The following CBFA2T3 variants were observed in gnomAD, a reference collection of about 807,000 sequenced individuals.
CBFA2T3 encodes the protein transcriptional corepressor CBFA2T3.
In CBFA2T3, 31 loss-of-function variants were observed where a neutral mutation model predicts 58.6. The ratio of observed to expected loss-of-function variants is 0.53; its 90% CI spans 0.40 to 0.71. CBFA2T3 has a LOEUF of 0.71. Among genes scored for constraint, CBFA2T3 ranks in the 30% least tolerant of loss-of-function variants. The probability of loss-of-function intolerance (pLI) is 0.00; values close to 1 mark genes in which losing one functional copy is unlikely to be tolerated. For missense variants in CBFA2T3, 1,076 were observed against 963.1 expected (o/e 1.12, Z -1.55); for synonymous variants, 531 against 421.9 (o/e 1.26, Z -3.17).
chr16:88,877,895 T>C (rs1342206870), intron 11 of CBFA2T3, among the ~76,000 whole-genome samples: 1 of 152,210 alleles, frequency 6.6e-6, no homozygotes, highest in Non-Finnish European at 1.5e-5. Flanking sequence ...TCACAGACGG[T>C]TGGGCTGTGG....
In CBFA2T3 at chr16:88,976,964, C is replaced by A; in HGVS notation, c.-157G>T. On this transcript the variant is annotated 5_prime_UTR_variant, in exon 1 of 12. Coordinates refer to ENST00000268679, the MANE Select transcript of CBFA2T3 (RefSeq NM_005187.6). ...TCTGTCCCTGGAAAGCCGAGGCCCT[C>A]CCGGCCACCAACTGGGTGTCCTCTG... The A allele has an allele frequency of 1.2e-6, 1 of 850,770 alleles. No homozygotes were observed. Among genetic ancestry groups the A allele is most frequent in the Non-Finnish European group, 1.8e-6 (1 of 568,564 alleles). 52.7% of individuals were successfully genotyped at this position (850,770 alleles called of 1,614,324 possible). A position where few individuals can be genotyped will look rare whatever the true frequency, so the allele number is the denominator to read the frequency against.
chr16:88,895,419 T>C (rs1343266136), intron 3 of CBFA2T3, among the ~76,000 whole-genome samples: 1 of 152,202 alleles, frequency 6.6e-6, no homozygotes, highest in East Asian at 1.9e-4. Context: ...GCTCTACACC[T>C]GCACACAGGC....
At chr16:88,900,002 A>G (rs1970038323) in intron 2 of CBFA2T3, among the ~76,000 whole-genome samples, 1 of 152,194 alleles carries the variant, frequency 6.6e-6, no homozygotes, top group African/African-American at 2.4e-5. Context: ...GCCCGGCCAC[A>G]TCGCCGTGTG....
rs1034675936 is a variant in CBFA2T3, at chr16:88,910,045, C to T, written c.152-8389G>A. ...GTGCCACAGTGGCCCGGCTGTTCCTCGCTTGGTGCCTGGCTGTCCCCTCTG... is the reference window on the plus strand; with the variant it reads ...GTGCCACAGTGGCCCGGCTGTTCCTTGCTTGGTGCCTGGCTGTCCCCTCTG... On this transcript the variant is annotated intron_variant, in intron 1 of 11. Transcript: ENST00000268679. Among the ~76,000 whole-genome samples the T allele has an allele frequency of 8.7e-4, 132 of 152,370 alleles. 1 individual carries two copies. Among genetic ancestry groups the T allele is most frequent in the African/African-American group, 3.0e-3 (125 of 41,596 alleles).
At chr16:88,970,262 C>T (rs952751519) in intron 1 of CBFA2T3, among the ~76,000 whole-genome samples, 8 of 152,186 alleles carry the variant, frequency 5.3e-5, no homozygotes, top group African/African-American at 7.2e-5. Context: ...ATCCAGGGGT[C>T]GGCGACGCGG....
At chr16:88,899,118 C>CGCTG (rs899410030) in intron 2 of CBFA2T3, among the ~76,000 whole-genome samples, 20 of 138,428 alleles carry the variant, frequency 1.4e-4, no homozygotes, top group Admixed American at 8.6e-4. Flanking sequence ...GATGAATTTG[C>CGCTG]GCCCAGGGCT....
intron 2 of CBFA2T3, among the ~76,000 whole-genome samples, chr16:88,900,102 GT>G (rs1230874552): frequency 1.3e-5 from 2 of 152,146 alleles, no homozygotes; most frequent in Non-Finnish European, 2.9e-5. Flanking sequence ...TGGGCCCGCC[GT>G]CCCCCAGGAC....
chr16:88,951,335 C>T (rs566200006), intron 1 of CBFA2T3: 5 of 457,538 alleles, frequency 1.1e-5, no homozygotes, highest in South Asian at 7.7e-5. Flanking sequence ...TCTGGGTCTC[C>T]ATCCCTCCCT....
At chr16:88,880,951 G>A in intron 9 of CBFA2T3, 163 bp from the exon 10 acceptor site, 1 of 702,864 alleles carries the variant, frequency 1.4e-6, no homozygotes, top group East Asian at 2.7e-5. Context: ...GGCACCCAGG[G>A]CAGTGCCCGG....
rs1969065259 is a variant in CBFA2T3 at position 88,881,317 on chromosome 16, G to A, written c.1376C>T (p.Ser459Phe). 1 of 1,589,778 alleles carries A rather than the reference G, an allele frequency of 6.3e-7. No individual in the cohort carries two copies. Among genetic ancestry groups the A allele is most frequent in the African/African-American group, 1.3e-5 (1 of 74,470 alleles). ...TAGCTGAGGCCCTTCGGGACCGGCG[G>A]AGCTGCTGCGGGGCCGGGCCGCGGC... is the stretch of plus-strand genomic sequence containing the variant. Reference protein sequence around the residue: ...APAAARPRSSSAGPEGPQLDV... With the variant: ...APAAARPRSSFAGPEGPQLDV... The change falls in exon 9 of 12, where the codon TCC becomes TTC. Residue 459 changes from serine (S) to phenylalanine (F), a missense_variant. Coordinates refer to ENST00000268679, the MANE Select transcript of CBFA2T3 (RefSeq NM_005187.6).
At chr16:88,965,079 C>A (rs1972464830) in intron 1 of CBFA2T3, among the ~76,000 whole-genome samples, 1 of 151,772 alleles carries the variant, frequency 6.6e-6, no homozygotes, top group Admixed American at 6.6e-5. Flanking sequence ...ATCTATCCAC[C>A]CACCCATCTA....
chr16:88,969,419 C>G (rs1484365433), intron 1 of CBFA2T3, among the ~76,000 whole-genome samples: 2 of 152,246 alleles, frequency 1.3e-5, no homozygotes, highest in Non-Finnish European at 2.9e-5. Flanking sequence ...GCAGGGCCAG[C>G]TGCGGGGGTC....
intron 1 of CBFA2T3, among the ~76,000 whole-genome samples, chr16:88,934,304 G>A (rs898265113): frequency 5.9e-5 from 9 of 152,256 alleles, no homozygotes; most frequent in East Asian, 3.9e-4. Context: ...AGGAGGGGCC[G>A]ACTTGGGCCC....
chr16:88,882,154 C>T (rs998586741), intron 8 of CBFA2T3, among the ~76,000 whole-genome samples: 22 of 152,212 alleles, frequency 1.4e-4, no homozygotes, highest in African/African-American at 4.6e-4. Context: ...GGTGAAGGAC[C>T]CAGCCGCTGC....
intron 1 of CBFA2T3, among the ~76,000 whole-genome samples, chr16:88,969,903 G>A (rs938762989): frequency 2.6e-5 from 4 of 152,322 alleles, no homozygotes; most frequent in African/African-American, 9.6e-5. Flanking sequence ...CTCCACAGGG[G>A]CCTCCCAAAA....
In CBFA2T3 at chr16:88,881,454, C is replaced by A. The variant is rs377105849; in HGVS notation, c.1239G>T (p.Thr413=). The A allele has an allele frequency of 6.2e-7, 1 of 1,609,750 alleles. No individual in the cohort carries two copies. The highest frequency in any genetic ancestry group is 8.5e-7 in the Non-Finnish European group (1 of 1,178,322). ...LNCIMDMVEK[T]RRSLTVLRRC... is the part of the protein sequence containing the mutation. ...TGCGCAGCACCGTGAGCGAGCGCCG[C>A]GTCTTCTCCACCATGTCCATGATGC... Residue 413 remains threonine, a synonymous_variant, in exon 9 of 12, where the codon ACG becomes ACT. Transcript: ENST00000268679.
intron 11 of CBFA2T3, among the ~76,000 whole-genome samples, chr16:88,877,657 A>G (rs1597651027): frequency 6.6e-6 from 1 of 150,594 alleles, no homozygotes; most frequent in Non-Finnish European, 1.5e-5. Flanking sequence ...ATCCACACCC[A>G]CCCGTCCCCC....
intron 1 of CBFA2T3, among the ~76,000 whole-genome samples, chr16:88,923,235 T>C (rs1970978996): frequency 6.6e-6 from 1 of 152,238 alleles, no homozygotes; most frequent in Admixed American, 6.5e-5. Context: ...CTGGCCTTGC[T>C]GGGCCTCAGC....
chr16:88,879,082 C>T (rs954064402), intron 11 of CBFA2T3, among the ~76,000 whole-genome samples, 188 bp downstream of exon 11: 1 of 152,262 alleles, frequency 6.6e-6, no homozygotes, highest in Non-Finnish European at 1.5e-5. Context: ...CATAGGACGC[C>T]TCACTGAACC....
Sources: allele counts gnomAD v4.1 joint callset (sites outside exome capture counted in the v4.1 genomes callset), GRCh38; gene constraint gnomAD v4.1.1; transcripts MANE v1.5; gene names NCBI Gene and HGNC (gene_info 2026-07-23, HGNC 2026-07-21).